The following DHRSX variants were observed in gnomAD, a reference collection of about 807,000 sequenced individuals.
DHRSX encodes the protein polyprenol dehydrogenase.
In DHRSX, 31 loss-of-function variants were observed where a neutral mutation model predicts 34.0. The observed-to-expected ratio is 0.91, with a 90% confidence interval of 0.69 to 1.23. The LOEUF (loss-of-function observed/expected upper bound fraction) is 1.23. Ranked by LOEUF, DHRSX falls within the 50% of genes most tolerant of loss-of-function variation. DHRSX has a pLI of 0.00. For missense variants in DHRSX, 414 were observed against 428.1 expected (o/e 0.97, Z 0.29); for synonymous variants, 201 against 183.8 (o/e 1.09, Z -0.76).
At chrX:2,367,567 A>T (rs2043009071) in intron 3 of DHRSX, among the ~76,000 whole-genome samples, 2 of 152,350 alleles carry the variant, frequency 1.3e-5, no homozygotes, top group South Asian at 4.1e-4. Context: ...TAGAGAAAAT[A>T]AACAAGGACA....
chrX:2,338,316 G>C (rs745370050), intron 3 of DHRSX, among the ~76,000 whole-genome samples: 1 of 151,634 alleles, frequency 6.6e-6, no homozygotes, highest in African/African-American at 2.4e-5. Flanking sequence ...CTGTGCAACA[G>C]AGCGAGACTC....
intron 1 of DHRSX, among the ~76,000 whole-genome samples, chrX:2,457,262 A>G (rs1250491315): frequency 2.6e-4 from 40 of 151,874 alleles, no homozygotes; most frequent in Non-Finnish European, 5.2e-4. Context: ...ACCACCATGT[A>G]GGCACTGAAG....
chrX:2,479,326 T>C (rs1490449315), intron 1 of DHRSX, among the ~76,000 whole-genome samples: 2 of 147,662 alleles, frequency 1.4e-5, no homozygotes, highest in Non-Finnish European at 1.5e-5. Context: ...ACACTGAAGA[T>C]GATCCCTAAG....
chrX:2,317,512 A>C (rs180761058), intron 3 of DHRSX, among the ~76,000 whole-genome samples: 216 of 152,040 alleles, frequency 1.4e-3, no homozygotes, highest in African/African-American at 4.8e-3. Context: ...TCGGCCTCCC[A>C]AAGTGCTGGG....
intron 3 of DHRSX, among the ~76,000 whole-genome samples, chrX:2,354,304 C>G (rs1484893446): frequency 2.6e-5 from 4 of 152,156 alleles, no homozygotes; most frequent in Non-Finnish European, 5.9e-5. Flanking sequence ...GGATGGCCGT[C>G]CACTTCGGCT....
Position 2,220,807 on chromosome X carries a change from A to C in DHRSX, c.*234T>G, listed in dbSNP as rs1026045169. 3.3e-5 allele frequency: 16 copies of C among 485,478 alleles called. No homozygotes were observed. The highest frequency in any genetic ancestry group is 5.8e-5 in the Non-Finnish European group (16 of 273,544). The allele number at this position is 485,478 out of a possible 1,614,324, so 30.1% of individuals were successfully genotyped here. ...TTTATGGCACCTGTGACAACTGGGCACTTTGGAATCACAAAGTTTATGGTT... is the reference window on the plus strand; with the variant it reads ...TTTATGGCACCTGTGACAACTGGGCCCTTTGGAATCACAAAGTTTATGGTT... On this transcript the variant is annotated 3_prime_UTR_variant, in exon 7 of 7. Transcript: ENST00000334651.
intron 3 of DHRSX, among the ~76,000 whole-genome samples, chrX:2,353,582 G>T: frequency 8.4e-6 from 1 of 118,700 alleles, no homozygotes; most frequent in Non-Finnish European, 1.9e-5. Flanking sequence ...ATAGCTGATT[G>T]CATTTTTTTT....
chrX:2,374,250 C>T (rs998660430), intron 3 of DHRSX, among the ~76,000 whole-genome samples: 6 of 152,118 alleles, frequency 3.9e-5, no homozygotes, highest in Admixed American at 3.3e-4. Context: ...GGATTCTTGA[C>T]AGAAGAGTTG....
At chrX:2,479,021 G>A (rs1423734123) in intron 1 of DHRSX, among the ~76,000 whole-genome samples, 1 of 151,310 alleles carries the variant, frequency 6.6e-6, no homozygotes, top group Non-Finnish European at 1.5e-5. Context: ...ACACACTGAA[G>A]TCATTCCCTA....
At chrX:2,359,481 G>C (rs1479500469) in intron 3 of DHRSX, among the ~76,000 whole-genome samples, 1 of 152,110 alleles carries the variant, frequency 6.6e-6, no homozygotes, top group African/African-American at 2.4e-5. Flanking sequence ...TTCGAGACCA[G>C]TCTGGCCAAC....
chrX:2,306,850 C>T (rs2042103171), intron 3 of DHRSX, among the ~76,000 whole-genome samples: 1 of 151,302 alleles, frequency 6.6e-6, no homozygotes. Context: ...TTTTTAGAAT[C>T]GTTTCAGTCA....
chrX:2,298,317 G>GTT (rs529844889), intron 3 of DHRSX, among the ~76,000 whole-genome samples: 3,256 of 123,612 alleles, frequency 0.026, 167 homozygotes, highest in African/African-American at 0.087. Flanking sequence ...CAGTTTTGGT[G>GTT]TTTTTTTTTT....
At chrX:2,463,549 G>C (rs1452758947) in intron 1 of DHRSX, among the ~76,000 whole-genome samples, 2 of 152,102 alleles carry the variant, frequency 1.3e-5, no homozygotes, top group Non-Finnish European at 1.5e-5. Context: ...TCTGGGTGGG[G>C]GTGGGGAGCT....
At chrX:2,314,469 AGAAGGAAG>A (rs1307048568) in intron 3 of DHRSX, among the ~76,000 whole-genome samples, 1 of 19,710 alleles carries the variant, frequency 5.1e-5, no homozygotes, top group East Asian at 5.7e-4. Context: ...AAGGAAGGGG[AGAAGGAAG>A]GAAGGAAGGA....
intron 3 of DHRSX, among the ~76,000 whole-genome samples, chrX:2,298,600 GTACACACACACACA>G (rs1001139917): frequency 4.4e-5 from 2 of 45,306 alleles, no homozygotes; most frequent in South Asian, 1.4e-3. Context: ...AGGCGCGTGT[GTACACACACACACA>G]CACACACACA....
chrX:2,454,892 T>C (rs756944595), intron 1 of DHRSX, among the ~76,000 whole-genome samples: 49 of 151,794 alleles, frequency 3.2e-4, no homozygotes, highest in African/African-American at 1.2e-3. Context: ...GCGGGTGGAT[T>C]ACCTGAGGTC....
Position 2,351,314 on chromosome X carries a change from C to T in DHRSX, c.286+57431G>A, listed in dbSNP as rs777053690. ...CTACATCGTAACATTCAAAATGAGACTGGCCAACTTTCCCTATCTGCTTTG... is the reference window on the plus strand; with the variant it reads ...CTACATCGTAACATTCAAAATGAGATTGGCCAACTTTCCCTATCTGCTTTG... On this transcript the variant is annotated intron_variant, in intron 3 of 6. Transcript: ENST00000334651. Among the ~76,000 whole-genome samples the T allele has an allele frequency of 2.6e-5, 4 of 152,310 alleles. No homozygotes were observed. In the South Asian group the frequency reaches 8.3e-4, roughly 32 times the overall value.
intron 1 of DHRSX, among the ~76,000 whole-genome samples, chrX:2,497,897 A>C (rs2045321509): frequency 6.6e-6 from 1 of 152,216 alleles, no homozygotes; most frequent in Non-Finnish European, 1.5e-5. Context: ...TTAGGATATT[A>C]AATGCACTGA....
intron 1 of DHRSX, among the ~76,000 whole-genome samples, chrX:2,497,115 G>T (rs2045305051): frequency 6.6e-6 from 1 of 152,088 alleles, no homozygotes; most frequent in African/African-American, 2.4e-5. Context: ...GGAATTGGAG[G>T]CCGGGGGCAG....
Sources: allele counts gnomAD v4.1 joint callset (sites outside exome capture counted in the v4.1 genomes callset), GRCh38; gene constraint gnomAD v4.1.1; transcripts MANE v1.5; gene names NCBI Gene and HGNC (gene_info 2026-07-23, HGNC 2026-07-21).